The following KIF6 variants were observed in gnomAD, a reference collection of about 807,000 sequenced individuals.
The protein encoded by KIF6 is kinesin family member 6, also known as kinesin-like protein KIF6.
In KIF6, 106 loss-of-function variants were observed where a neutral mutation model predicts 112.7. That is an observed-to-expected ratio of 0.94 (90% confidence interval 0.80 to 1.11). The LOEUF is 1.11. Ranked by LOEUF, KIF6 falls within the 50% of genes least tolerant of loss-of-function variation. The pLI is 0.00. For missense variants in KIF6, 929 were observed against 964.0 expected, an observed-to-expected ratio of 0.96 and a Z score of 0.48; for synonymous variants, 339 against 339.9, an observed-to-expected ratio of 1.00 and a Z score of 0.03.
chr6:39,550,976 T>G (rs188176468), intron 10 of KIF6, among the ~76,000 whole-genome samples: 110 of 152,380 alleles, frequency 7.2e-4, no homozygotes, highest in Admixed American at 1.7e-3. Flanking sequence ...ACACCACATT[T>G]TCTTTATCTA....
intron 13 of KIF6, among the ~76,000 whole-genome samples, chr6:39,494,535 G>A (rs1775661022): frequency 6.6e-6 from 1 of 152,102 alleles, no homozygotes; most frequent in Non-Finnish European, 1.5e-5. Context: ...TACATCATTT[G>A]AACAAAAGCA....
Position 39,441,177 on chromosome 6 carries a change from C to T in KIF6, c.1646-10016G>A, listed in dbSNP as rs546189393. 4.4e-4 allele frequency among the ~76,000 whole-genome samples: 67 copies of T among 152,258 alleles called. 1 individual carries two copies. In the South Asian group the frequency reaches 8.9e-3, roughly 20 times the overall value. On this transcript the variant is annotated intron_variant, in intron 13 of 22. Transcript: ENST00000287152. ...CACTCTTCATACCCCTAGAAGACAT[C>T]GCTGATCAATCTCAGCATCTTTCCT...
chr6:39,582,902 T>A (rs1051365175), intron 9 of KIF6, among the ~76,000 whole-genome samples: 3 of 152,222 alleles, frequency 2.0e-5, no homozygotes, highest in Non-Finnish European at 4.4e-5. Flanking sequence ...CTGACAGTAA[T>A]GTCAGTTTTT....
chr6:39,571,839 A>G (rs1780654170), intron 10 of KIF6, among the ~76,000 whole-genome samples: 1 of 152,118 alleles, frequency 6.6e-6, no homozygotes, highest in African/African-American at 2.4e-5. Context: ...GCAAACTCCT[A>G]TGTTGGTCTC....
chr6:39,546,600 C>T (rs750651515), intron 10 of KIF6, among the ~76,000 whole-genome samples: 4 of 152,060 alleles, frequency 2.6e-5, no homozygotes, highest in African/African-American at 4.8e-5. Context: ...CCCAGGTGGG[C>T]GGATCACTTG....
chr6:39,353,680 A>C (rs1355698056), intron 19 of KIF6: 1 of 167,800 alleles, frequency 6.0e-6, no homozygotes. Context: ...CCCTGGGCTC[A>C]GGGGCTCACA....
At chr6:39,349,340 A>T (rs1290832136) in intron 19 of KIF6, among the ~76,000 whole-genome samples, 3 of 152,152 alleles carry the variant, frequency 2.0e-5, no homozygotes, top group Non-Finnish European at 4.4e-5. Context: ...ACTCTCTCGG[A>T]GATGCCGGCG....
chr6:39,343,759 G>C lies in KIF6; in HGVS notation c.2378C>G (p.Ser793Trp). ...IPLTGDSQTD[S>W]DIIAFIKARQ... is the part of the protein sequence containing the mutation. ...GGCCTTGATGAAGGCGATGATGTCC[G>C]AGTCCGTCTGGCTGTCTCCGGTGAG... The change falls in exon 22 of 23, where the codon TCG becomes TGG. Residue 793 changes from serine (S) to tryptophan (W), a missense_variant. Ser to Trp is a radical substitution (Grantham distance 177). Transcript: ENST00000287152. The surrounding 1 kb of genome is among the most constrained non-coding windows in gnomAD (Gnocchi z 4.1). The C allele has an allele frequency of 6.2e-7, 1 of 1,613,178 alleles. No individual in the cohort carries two copies. The highest frequency in any genetic ancestry group is 1.7e-5 in the Admixed American group (1 of 59,802).
intron 3 of KIF6, among the ~76,000 whole-genome samples, chr6:39,713,378 C>T (rs1214344624): frequency 6.6e-6 from 1 of 152,092 alleles, no homozygotes; most frequent in African/African-American, 2.4e-5. Context: ...TTCAGTGAGG[C>T]AGTGGAGGCG....
intron 13 of KIF6, among the ~76,000 whole-genome samples, chr6:39,492,426 A>G (rs1038347676): frequency 5.9e-5 from 9 of 152,224 alleles, no homozygotes; most frequent in African/African-American, 2.2e-4. Flanking sequence ...ACCTTTTACA[A>G]TTAGGAAGTA....
intron 15 of KIF6, among the ~76,000 whole-genome samples, chr6:39,398,074 G>A (rs1454260462): frequency 6.6e-6 from 1 of 152,224 alleles, no homozygotes; most frequent in Non-Finnish European, 1.5e-5. Context: ...AGCCCATTAT[G>A]ATGAATGAAA....
chr6:39,476,538 G>A (rs2150448376), intron 13 of KIF6, among the ~76,000 whole-genome samples: 1 of 152,302 alleles, frequency 6.6e-6, no homozygotes, highest in Non-Finnish European at 1.5e-5. Context: ...TGGGCTCTGG[G>A]TGGACTCTAA....
intron 13 of KIF6, among the ~76,000 whole-genome samples, chr6:39,454,702 A>G (rs1318078687): frequency 1.8e-4 from 28 of 152,166 alleles, no homozygotes; most frequent in Middle Eastern, 3.2e-3. Context: ...GCATTGCCTC[A>G]CCTGGGAAGC....
At chr6:39,377,795 C>T (rs762210341) in intron 16 of KIF6, among the ~76,000 whole-genome samples, 29 of 152,220 alleles carry the variant, frequency 1.9e-4, no homozygotes, top group South Asian at 6.2e-4. Context: ...CCTGATTTCC[C>T]GGGTCAGGTA....
intron 13 of KIF6, among the ~76,000 whole-genome samples, chr6:39,487,021 A>G (rs747190977): frequency 5.3e-5 from 8 of 152,188 alleles, no homozygotes; most frequent in Non-Finnish European, 8.8e-5. Context: ...TAACAACCAA[A>G]TGTTGTTAAC....
At chr6:39,558,284 G>T (rs1188806987) in intron 10 of KIF6, among the ~76,000 whole-genome samples, 1 of 151,922 alleles carries the variant, frequency 6.6e-6, no homozygotes, top group Non-Finnish European at 1.5e-5. Context: ...TACAGTGGTT[G>T]GTGACTATTT....
chr6:39,482,353 T>C (rs1774851088), intron 13 of KIF6, among the ~76,000 whole-genome samples: 1 of 152,192 alleles, frequency 6.6e-6, no homozygotes, highest in Non-Finnish European at 1.5e-5. Flanking sequence ...CACCAGATGA[T>C]GGAAGAGCTG....
rs552427150 is a variant in KIF6, at chr6:39,379,006, C to T, written c.1861+6616G>A. ...AGAATCATCTGGTTGAATAACATTT[C>T]GGTATCTTTTGTAAAACTGCAGTTG... On this transcript the variant is annotated intron_variant, in intron 16 of 22. Transcript: ENST00000287152. Among the ~76,000 whole-genome samples the T allele has an allele frequency of 7.9e-5, 12 of 152,264 alleles. No individual in the cohort carries two copies. In the South Asian group the frequency reaches 2.1e-3, roughly 26 times the overall value.
At position 39,671,010 on chromosome 6, in the gene KIF6, C is replaced by T. The variant is rs372624863; in HGVS notation, c.252-31253G>A. On this transcript the variant is annotated intron_variant, in intron 3 of 22. Coordinates refer to ENST00000287152, the MANE Select transcript of KIF6 (RefSeq NM_145027.6). ...GGTTTTTAATTCCATATGTATTTTG[C>T]ACCTGTCACATACAAAGCACTTTGA... 3.3e-5 allele frequency among the ~76,000 whole-genome samples: 5 copies of T among 152,278 alleles called. No individual in the cohort carries two copies. In the East Asian group the frequency reaches 5.8e-4, roughly 18 times the overall value.
Sources: allele counts gnomAD v4.1 joint callset (sites outside exome capture counted in the v4.1 genomes callset), GRCh38; gene constraint gnomAD v4.1.1; non-coding constraint Gnocchi (gnomAD v3.1); transcripts MANE v1.5; gene names NCBI Gene and HGNC (gene_info 2026-07-23, HGNC 2026-07-21).